KCNIP4: variants seen among roughly 807,000 people sequenced by gnomAD.
KCNIP4 encodes Kv channel-interacting protein 4.
In KCNIP4, 12 loss-of-function variants were observed where a neutral mutation model predicts 34.0. The ratio of observed to expected loss-of-function variants is 0.35; its 90% CI spans 0.23 to 0.57. The LOEUF (loss-of-function observed/expected upper bound fraction) is 0.57. Among genes scored for constraint, KCNIP4 ranks in the 20% least tolerant of loss-of-function variants. KCNIP4 has a pLI of 0.83. For synonymous variants in KCNIP4, 124 were observed against 102.2 expected (o/e 1.21, Z -1.29); for missense variants, 238 against 311.7 (o/e 0.76, Z 1.78).
chr4:21,220,436 C>T (rs1577908817), intron 1 of KCNIP4, among the ~76,000 whole-genome samples: 1 of 152,054 alleles, frequency 6.6e-6, no homozygotes. Flanking sequence ...GGAGGGATAG[C>T]GTTAGGAGAT....
intron 1 of KCNIP4, among the ~76,000 whole-genome samples, chr4:21,239,687 G>C (rs1305891287): frequency 1.3e-5 from 2 of 152,230 alleles, no homozygotes; most frequent in East Asian, 1.9e-4. Flanking sequence ...CCATCTCACA[G>C]TAGTTAGAAG....
chr4:21,750,319 A>G (rs1333281358), intron 1 of KCNIP4, among the ~76,000 whole-genome samples: 1 of 152,192 alleles, frequency 6.6e-6, no homozygotes, highest in African/African-American at 2.4e-5. Flanking sequence ...TGCTTCCTTA[A>G]AGTGAAAAGG....
At chr4:21,902,355 T>C (rs1381108019) in intron 1 of KCNIP4, among the ~76,000 whole-genome samples, 1 of 152,118 alleles carries the variant, frequency 6.6e-6, no homozygotes, top group Non-Finnish European at 1.5e-5. Flanking sequence ...TGAAGTTTTG[T>C]CCTTATGGCT....
chr4:21,199,333 G>A (rs1328638001), intron 1 of KCNIP4, among the ~76,000 whole-genome samples: 1 of 152,160 alleles, frequency 6.6e-6, no homozygotes, highest in Non-Finnish European at 1.5e-5. Flanking sequence ...GTGATGATGA[G>A]CATTTTTTCA....
chr4:20,985,550 C>T (rs1048805806), intron 1 of KCNIP4, among the ~76,000 whole-genome samples: 1 of 152,122 alleles, frequency 6.6e-6, no homozygotes, highest in Non-Finnish European at 1.5e-5. Flanking sequence ...AGGCAACAGG[C>T]TTTCATTCAT....
At chr4:21,500,497 G>A (rs1350128317) in intron 1 of KCNIP4, among the ~76,000 whole-genome samples, 2 of 152,092 alleles carry the variant, frequency 1.3e-5, no homozygotes, top group South Asian at 2.1e-4. Context: ...ATTAGACAAA[G>A]TATATAGAGC....
At chr4:21,742,985 T>C (rs1577928894) in intron 1 of KCNIP4, among the ~76,000 whole-genome samples, 1 of 152,132 alleles carries the variant, frequency 6.6e-6, no homozygotes, top group African/African-American at 2.4e-5. Context: ...ATCTGTAGAG[T>C]GTAATAGGCT....
At chr4:21,723,681 C>G (rs1395761921) in intron 1 of KCNIP4, among the ~76,000 whole-genome samples, 4 of 152,100 alleles carry the variant, frequency 2.6e-5, no homozygotes, top group African/African-American at 9.7e-5. Flanking sequence ...CCTAGCCATA[C>G]ACATACACAT....
chr4:21,025,582 C>T (rs1394859809), intron 1 of KCNIP4, among the ~76,000 whole-genome samples: 3 of 97,910 alleles, frequency 3.1e-5, no homozygotes, highest in African/African-American at 1.2e-4. Flanking sequence ...GAGACGGAGT[C>T]TCACTCTGTT....
intron 1 of KCNIP4, among the ~76,000 whole-genome samples, chr4:21,227,157 C>T (rs773675464): frequency 2.0e-5 from 3 of 152,148 alleles, no homozygotes; most frequent in Non-Finnish European, 4.4e-5. Context: ...CCCAGAACTG[C>T]TTCAGTCTGT....
chr4:21,325,065 A>G (rs1714897315), intron 1 of KCNIP4, among the ~76,000 whole-genome samples: 1 of 151,782 alleles, frequency 6.6e-6, no homozygotes, highest in East Asian at 1.9e-4. Context: ...CTCACTGTTG[A>G]CATATAGAAA....
intron 1 of KCNIP4, among the ~76,000 whole-genome samples, chr4:21,890,024 T>C (rs1727003320): frequency 6.6e-6 from 1 of 152,134 alleles, no homozygotes; most frequent in Non-Finnish European, 1.5e-5. Flanking sequence ...GGAATTCTGA[T>C]GGGATTGCTG....
chr4:21,255,086 CCCCCA>C (rs1166049822), intron 1 of KCNIP4, among the ~76,000 whole-genome samples: 1 of 152,082 alleles, frequency 6.6e-6, no homozygotes, highest in African/African-American at 2.4e-5. Flanking sequence ...AGCTCCTCTA[CCCCCA>C]CCCTGGCTGT....
chr4:21,760,980 G>A (rs1283518933), intron 1 of KCNIP4, among the ~76,000 whole-genome samples: 6 of 152,144 alleles, frequency 3.9e-5, no homozygotes, highest in African/African-American at 9.7e-5. Flanking sequence ...TTGCTCATAT[G>A]AGAAAGAACT....
At chr4:21,908,941 G>A (rs1728149976) in intron 1 of KCNIP4, among the ~76,000 whole-genome samples, 1 of 152,048 alleles carries the variant, frequency 6.6e-6, no homozygotes, top group Admixed American at 6.6e-5. Flanking sequence ...GAGTTTGTGT[G>A]TTATGGGATA....
At chr4:21,481,163 T>C (rs1477168006) in intron 1 of KCNIP4, among the ~76,000 whole-genome samples, 1 of 152,182 alleles carries the variant, frequency 6.6e-6, no homozygotes, top group Non-Finnish European at 1.5e-5. Context: ...CAAGAAAAAC[T>C]GGCTATTCAA....
chr4:21,420,713 G>C (rs991276311), intron 1 of KCNIP4, among the ~76,000 whole-genome samples: 26 of 152,256 alleles, frequency 1.7e-4, no homozygotes, highest in Admixed American at 2.0e-4. Flanking sequence ...ATAGGTAAAA[G>C]CTTCTCGACA....
At chr4:21,264,960 G>A (rs778672477) in intron 1 of KCNIP4, among the ~76,000 whole-genome samples, 8 of 152,004 alleles carry the variant, frequency 5.3e-5, no homozygotes, top group African/African-American at 9.7e-5. Context: ...TTAGCCAGGC[G>A]TGGTGACTTG....
At chr4:21,460,491 G>A (rs572333027) in intron 1 of KCNIP4, among the ~76,000 whole-genome samples, 6 of 152,210 alleles carry the variant, frequency 3.9e-5, no homozygotes, top group African/African-American at 1.4e-4. Context: ...AGTTCTGGAT[G>A]TTGGGAAGAT....
Sources: allele counts gnomAD v4.1 joint callset (sites outside exome capture counted in the v4.1 genomes callset), GRCh38; gene constraint gnomAD v4.1.1; transcripts MANE v1.5; gene names NCBI Gene and HGNC (gene_info 2026-07-23, HGNC 2026-07-21).